ASAP2: variants seen among roughly 807,000 people sequenced by gnomAD.
ASAP2 encodes the protein ArfGAP with SH3 domain, ankyrin repeat and PH domain 2.
ASAP2 carries 45 observed loss-of-function variants against 131.4 expected under a neutral mutation model. The ratio of observed to expected loss-of-function variants is 0.34; its 90% CI spans 0.27 to 0.44. ASAP2 has a LOEUF of 0.44. Among genes scored for constraint, ASAP2 ranks in the 20% least tolerant of loss-of-function variants. ASAP2 has a pLI of 1.00. For missense variants in ASAP2, 1,011 were observed against 1,297.0 expected, an observed-to-expected ratio of 0.78 and a Z score of 3.39; for synonymous variants, 510 against 503.0, an observed-to-expected ratio of 1.01 and a Z score of -0.19.
chr2:9,389,952 A>G lies in ASAP2; in HGVS notation c.2384-1110A>G, dbSNP rs1329422764. On this transcript the variant is annotated intron_variant, in intron 22 of 27. Transcript: ENST00000281419. The surrounding 1 kb of genome is among the most constrained non-coding windows in gnomAD (Gnocchi z 4.7). ...TCCTGCAGGCAGGCATCAATTTTCTACGGCCCACAATCAAGATGATTTTGA... is the reference window on the plus strand; with the variant it reads ...TCCTGCAGGCAGGCATCAATTTTCTGCGGCCCACAATCAAGATGATTTTGA... 6.6e-6 allele frequency among the ~76,000 whole-genome samples: 1 copy of G among 152,024 alleles called. No homozygotes were observed. Among genetic ancestry groups the G allele is most frequent in the East Asian group, 1.9e-4 (1 of 5,186 alleles).
At chr2:9,321,763 C>T (rs891490869) in intron 5 of ASAP2, among the ~76,000 whole-genome samples, 2 of 152,102 alleles carry the variant, frequency 1.3e-5, no homozygotes, top group African/African-American at 4.8e-5. Flanking sequence ...AGAAGGATAA[C>T]ATCAAATTCT....
At chr2:9,397,740 A>T (rs1676260176) in intron 24 of ASAP2, among the ~76,000 whole-genome samples, 11 of 87,648 alleles carry the variant, frequency 1.3e-4, no homozygotes, top group African/African-American at 9.3e-4. Flanking sequence ...ATATATATAT[A>T]TATATATATA....
intron 7 of ASAP2, 76 bp downstream of exon 7, chr2:9,327,987 A>T: frequency 9.1e-7 from 1 of 1,103,554 alleles, no homozygotes; most frequent in South Asian, 1.6e-5. Flanking sequence ...TAGATAGCTC[A>T]TAGGAAATAA....
chr2:9,300,392 C>T (rs756970901), intron 3 of ASAP2, among the ~76,000 whole-genome samples: 1 of 152,204 alleles, frequency 6.6e-6, no homozygotes, highest in Non-Finnish European at 1.5e-5. Flanking sequence ...AGGAATCCCT[C>T]CTTCTCCTTT....
intron 18 of ASAP2, 116 bp downstream of exon 18, chr2:9,377,109 A>C (rs531684648): frequency 1.1e-6 from 1 of 886,180 alleles, no homozygotes; most frequent in East Asian, 2.5e-5. Context: ...CCCAGTTCTA[A>C]ACATGAATTA....
At chr2:9,246,665 C>T (rs1664358621) in intron 1 of ASAP2, among the ~76,000 whole-genome samples, 1 of 152,196 alleles carries the variant, frequency 6.6e-6, no homozygotes, top group Admixed American at 6.5e-5. Context: ...CGTGAGAGGT[C>T]TTCAATTTAG....
intron 3 of ASAP2, among the ~76,000 whole-genome samples, chr2:9,316,097 T>C (rs907117666): frequency 6.6e-6 from 1 of 152,050 alleles, no homozygotes; most frequent in African/African-American, 2.4e-5. Flanking sequence ...GGAGGGCAGA[T>C]TGCTTAAGTC....
At chr2:9,210,744 T>C (rs895137995) in intron 1 of ASAP2, among the ~76,000 whole-genome samples, 12 of 151,944 alleles carry the variant, frequency 7.9e-5, no homozygotes, top group East Asian at 5.9e-4. Flanking sequence ...TTAGTAGAGA[T>C]GGGGTTTCAC....
At chr2:9,370,402 T>G (rs1275548534) in intron 16 of ASAP2, among the ~76,000 whole-genome samples, 1 of 152,240 alleles carries the variant, frequency 6.6e-6, no homozygotes, top group Non-Finnish European at 1.5e-5. Context: ...GAGAATTGGA[T>G]AACGTGTGGT....
At chr2:9,288,760 A>C (rs1033981560) in intron 2 of ASAP2, among the ~76,000 whole-genome samples, 2 of 152,078 alleles carry the variant, frequency 1.3e-5, no homozygotes, top group Non-Finnish European at 2.9e-5. Flanking sequence ...TCCAGGCTAA[A>C]GGAGAGCCCT....
At chr2:9,341,557 TAGC>T (rs1269715437) in intron 9 of ASAP2, among the ~76,000 whole-genome samples, 2 of 152,206 alleles carry the variant, frequency 1.3e-5, no homozygotes, top group African/African-American at 4.8e-5. Context: ...CGAACAGTGT[TAGC>T]GGTGTTGTCA....
chr2:9,368,378 A>G (rs1281324796), intron 15 of ASAP2, 47 bp from the exon 16 acceptor site: 1 of 1,495,146 alleles, frequency 6.7e-7, no homozygotes, highest in Non-Finnish European at 9.3e-7. Flanking sequence ...GTAGCAGTAG[A>G]ATGTATTAAT....
rs769124133 is a variant in ASAP2 at position 9,279,433 on chromosome 2, C to T, written c.199+44C>T. 2.1e-5 allele frequency: 33 copies of T among 1,578,894 alleles called. No homozygotes were observed. The East Asian group carries it at 4.7e-4, about 22-fold the overall frequency. Reference sequence around the variant, plus strand: ...CTAGAGGTTTCTGTGTGGAAAATGTCGCATTTGAAGTCCTGGTACCGTAAT... The same window carrying T: ...CTAGAGGTTTCTGTGTGGAAAATGTTGCATTTGAAGTCCTGGTACCGTAAT... On this transcript the variant is annotated intron_variant, in intron 2 of 27. Transcript: ENST00000281419.
chr2:9,339,436 A>G (rs1224380691), intron 9 of ASAP2, among the ~76,000 whole-genome samples: 1 of 152,116 alleles, frequency 6.6e-6, no homozygotes, highest in Non-Finnish European at 1.5e-5. Flanking sequence ...CCAACCTCAG[A>G]GTTTTCAGGA....
chr2:9,218,934 TGTG>T (rs1013281577), intron 1 of ASAP2, among the ~76,000 whole-genome samples: 2 of 152,218 alleles, frequency 1.3e-5, no homozygotes, highest in African/African-American at 4.8e-5. Flanking sequence ...CTGGAGTTGA[TGTG>T]GTGGTTGGTA....
chr2:9,310,186 CTT>C (rs773151687), intron 3 of ASAP2, among the ~76,000 whole-genome samples: 1 of 152,202 alleles, frequency 6.6e-6, no homozygotes, highest in Non-Finnish European at 1.5e-5. Flanking sequence ...CTATTTAACT[CTT>C]ATGACTGAGC....
chr2:9,338,349 C>T (rs1308953582), intron 9 of ASAP2, among the ~76,000 whole-genome samples: 1 of 150,568 alleles, frequency 6.6e-6, no homozygotes, highest in Non-Finnish European at 1.5e-5. Flanking sequence ...CTGTCTCTAT[C>T]TCTCTCTCTC....
At chr2:9,287,123 C>T (rs898507267) in intron 2 of ASAP2, among the ~76,000 whole-genome samples, 2 of 152,220 alleles carry the variant, frequency 1.3e-5, no homozygotes, top group South Asian at 2.1e-4. Flanking sequence ...GTGAGCGTCC[C>T]GTCTCTGCTT....
chr2:9,380,095 T>A (rs995723655), intron 19 of ASAP2, among the ~76,000 whole-genome samples: 1 of 152,206 alleles, frequency 6.6e-6, no homozygotes, highest in Admixed American at 6.5e-5. Flanking sequence ...AGGTGAGCAG[T>A]GCTTTTCGTT....
Sources: allele counts gnomAD v4.1 joint callset (sites outside exome capture counted in the v4.1 genomes callset), GRCh38; gene constraint gnomAD v4.1.1; non-coding constraint Gnocchi (gnomAD v3.1); transcripts MANE v1.5; gene names NCBI Gene and HGNC (gene_info 2026-07-23, HGNC 2026-07-21).